TMEM178B: variants seen among roughly 807,000 people sequenced by gnomAD.
The protein encoded by TMEM178B is transmembrane protein 178B.
Under a neutral mutation model 31.0 loss-of-function variants are expected in TMEM178B, and 5 were observed. That is an observed-to-expected ratio of 0.16 (90% CI 0.08 to 0.34). The LOEUF is 0.34. Ranked by LOEUF, TMEM178B falls within the 10% of genes least tolerant of loss-of-function variation. TMEM178B has a pLI of 1.00. For missense variants in TMEM178B, 275 were observed against 400.3 expected (o/e 0.69, Z 2.67); for synonymous variants, 164 against 164.0 (o/e 1.00, Z 0.00).
chr7:141,509,098 C>T, the TMEM178B span, among the ~76,000 whole-genome samples: 2 of 152,168 alleles, frequency 1.3e-5, 1 homozygote, highest in South Asian at 4.1e-4. Flanking sequence ...TGGTATTAAA[C>T]ATCCTATTAC....
At chr7:141,413,475 C>A (rs897131728) in intron 2 of TMEM178B, among the ~76,000 whole-genome samples, 4 of 152,208 alleles carry the variant, frequency 2.6e-5, no homozygotes, top group African/African-American at 4.8e-5. Context: ...TCTGCCCATG[C>A]GTATTGTCAA....
At chr7:141,118,772 T>C (rs147549011) in intron 1 of TMEM178B, among the ~76,000 whole-genome samples, 70 of 152,196 alleles carry the variant, frequency 4.6e-4, no homozygotes, top group Non-Finnish European at 8.8e-4. Context: ...CAGAAGAAGT[T>C]TGCCTTTGCA....
At chr7:141,262,474 A>ATATATAT (rs1798028077) in intron 2 of TMEM178B, among the ~76,000 whole-genome samples, 2 of 131,866 alleles carry the variant, frequency 1.5e-5, no homozygotes, top group African/African-American at 5.9e-5. Flanking sequence ...AAATACATAT[A>ATATATAT]ATATATATAT....
intron 2 of TMEM178B, among the ~76,000 whole-genome samples, chr7:141,260,602 T>C (rs1006516586): frequency 6.6e-6 from 1 of 152,194 alleles, no homozygotes; most frequent in Non-Finnish European, 1.5e-5. Flanking sequence ...AGTAATCTTA[T>C]TTATGCAGCA....
rs1795984838 is a variant in TMEM178B at position 141,152,096 on chromosome 7, G to A, written c.383-60495G>A. Reference sequence around the variant, plus strand: ...AGAGGCATGGCACTGTGCAGGATTGGAGGAAGCCTGTGGCAGCTGCCTCCC... The same window carrying A: ...AGAGGCATGGCACTGTGCAGGATTGAAGGAAGCCTGTGGCAGCTGCCTCCC... On this transcript the variant is annotated intron_variant, in intron 1 of 3. Transcript: ENST00000565468. 2.0e-5 allele frequency among the ~76,000 whole-genome samples: 3 copies of A among 152,176 alleles called. No individual in the cohort carries two copies. In the South Asian group the frequency reaches 6.2e-4, roughly 32 times the overall value.
intron 1 of TMEM178B, among the ~76,000 whole-genome samples, chr7:141,094,984 CACA>C (rs888967762): frequency 6.6e-6 from 1 of 152,144 alleles, no homozygotes; most frequent in Non-Finnish European, 1.5e-5. Context: ...GTAACCTCCC[CACA>C]ACAAGTATTT....
intron 1 of TMEM178B, among the ~76,000 whole-genome samples, chr7:141,172,376 T>C (rs1349419860): frequency 6.6e-6 from 1 of 152,106 alleles, no homozygotes; most frequent in African/African-American, 2.4e-5. Context: ...TGGGGAGTGT[T>C]GGGAGTATTT....
intron 1 of TMEM178B, 123 bp from the exon 2 acceptor site, chr7:141,212,468 T>C (rs1797065936): frequency 1.4e-6 from 1 of 716,086 alleles, no homozygotes; most frequent in African/African-American, 1.8e-5. Flanking sequence ...TGTCTTTCTG[T>C]AGTTGTCACC....
At chr7:141,484,625 G>C (rs933729112), downstream of TMEM178B, among the ~76,000 whole-genome samples, 3 of 152,140 alleles carry the variant, frequency 2.0e-5, no homozygotes, top group Non-Finnish European at 2.9e-5. This position sits in a 1 kb window ranked among gnomAD's most constrained non-coding sequence, Gnocchi z 4.8. Context: ...GCTGTGGCTT[G>C]ATCTTGGCTC....
At chr7:141,456,946 G>A (rs1036064113) in intron 3 of TMEM178B, among the ~76,000 whole-genome samples, 2 of 152,194 alleles carry the variant, frequency 1.3e-5, no homozygotes, top group Non-Finnish European at 2.9e-5. Flanking sequence ...CTGAACCAAG[G>A]CCCAGATGGA....
chr7:141,109,933 T>C (rs1034717965), intron 1 of TMEM178B, among the ~76,000 whole-genome samples: 14 of 152,038 alleles, frequency 9.2e-5, no homozygotes, highest in African/African-American at 3.4e-4. Context: ...AGAGCGAGAC[T>C]CTGTCTCTGT....
At chr7:141,348,207 G>A (rs1478204877) in intron 2 of TMEM178B, among the ~76,000 whole-genome samples, 2 of 152,118 alleles carry the variant, frequency 1.3e-5, no homozygotes, top group Non-Finnish European at 2.9e-5. Flanking sequence ...TCCAAATTTC[G>A]CAGTTATTTC....
intron 2 of TMEM178B, among the ~76,000 whole-genome samples, chr7:141,313,575 C>T (rs1301455250): frequency 6.6e-6 from 1 of 152,168 alleles, no homozygotes; most frequent in Non-Finnish European, 1.5e-5. Context: ...TTAATTCCTA[C>T]ACAATTAGGA....
the TMEM178B span, among the ~76,000 whole-genome samples, chr7:141,507,976 G>A: frequency 6.6e-6 from 1 of 152,220 alleles, no homozygotes; most frequent in Non-Finnish European, 1.5e-5. Flanking sequence ...TTAACATGAT[G>A]CTCCTTGCTA....
chr7:141,132,911 C>G (rs1440390935), intron 1 of TMEM178B, among the ~76,000 whole-genome samples: 1 of 152,168 alleles, frequency 6.6e-6, no homozygotes, highest in Admixed American at 6.5e-5. Context: ...TCCCACAGAG[C>G]CTTGCCGTAA....
At chr7:141,339,913 T>C (rs546247095) in intron 2 of TMEM178B, among the ~76,000 whole-genome samples, 2 of 152,328 alleles carry the variant, frequency 1.3e-5, no homozygotes, top group East Asian at 3.9e-4. Flanking sequence ...GTTGGAAAGG[T>C]CATTTTGTCA....
chr7:141,172,207 C>T (rs914980605), intron 1 of TMEM178B, among the ~76,000 whole-genome samples: 4 of 152,126 alleles, frequency 2.6e-5, no homozygotes, highest in African/African-American at 4.8e-5. Context: ...CGCTTCATCT[C>T]ATTCATTCAT....
chr7:141,141,534 T>C (rs1042313957), intron 1 of TMEM178B, among the ~76,000 whole-genome samples: 21 of 152,238 alleles, frequency 1.4e-4, no homozygotes, highest in Admixed American at 3.9e-4. Flanking sequence ...ATGTTATGAT[T>C]CATTTGCTTT....
chr7:141,412,883 C>T (rs1171404725), intron 2 of TMEM178B, among the ~76,000 whole-genome samples: 1 of 152,192 alleles, frequency 6.6e-6, no homozygotes, highest in Non-Finnish European at 1.5e-5. Flanking sequence ...AATGTTCGTA[C>T]CCAGCAGTCT....
Sources: allele counts gnomAD v4.1 joint callset (sites outside exome capture counted in the v4.1 genomes callset), GRCh38; gene constraint gnomAD v4.1.1; non-coding constraint Gnocchi (gnomAD v3.1); transcripts MANE v1.5; gene names NCBI Gene and HGNC (gene_info 2026-07-23, HGNC 2026-07-21).